CAPSL: variants seen among roughly 807,000 people sequenced by gnomAD.
CAPSL encodes calcyphosine like, also known as calcyphosin-like protein.
A neutral mutation model predicts 21.3 loss-of-function variants in CAPSL; 17 were observed. The ratio of observed to expected loss-of-function variants is 0.80; its 90% CI spans 0.55 to 1.20. The LOEUF (loss-of-function observed/expected upper bound fraction) is 1.20. Among genes scored for constraint, CAPSL ranks in the 50% most tolerant of loss-of-function variants. The pLI, the probability that CAPSL is intolerant of heterozygous loss-of-function variation, is 0.00. For missense variants in CAPSL, 289 were observed against 259.3 expected (o/e 1.11, Z -0.79); for synonymous variants, 102 against 89.3 (o/e 1.14, Z -0.80).
At chr5:35,930,521 C>T (rs903334294) in intron 1 of CAPSL, among the ~76,000 whole-genome samples, 1 of 152,168 alleles carries the variant, frequency 6.6e-6, no homozygotes, top group Non-Finnish European at 1.5e-5. Flanking sequence ...GTCTCAGAAT[C>T]GTGCAAATGT....
At chr5:35,919,361 A>G (rs1738478599) in intron 2 of CAPSL, among the ~76,000 whole-genome samples, 1 of 152,086 alleles carries the variant, frequency 6.6e-6, no homozygotes, top group South Asian at 2.1e-4. Context: ...CTACATTTAC[A>G]AGGCAATTGG....
chr5:35,918,652 G>T (rs1474829885), intron 2 of CAPSL, among the ~76,000 whole-genome samples: 3 of 152,102 alleles, frequency 2.0e-5, no homozygotes, highest in Admixed American at 2.0e-4. Flanking sequence ...AGAATCTAAA[G>T]ACTTTTAAAT....
At chr5:35,925,165 G>T (rs996037497) in intron 1 of CAPSL, among the ~76,000 whole-genome samples, 2 of 152,266 alleles carry the variant, frequency 1.3e-5, no homozygotes, top group Admixed American at 6.5e-5. Flanking sequence ...TCTGCTAAGA[G>T]CTCAGGAAGC....
chr5:35,913,539 T>G lies in CAPSL; in HGVS notation c.138-2996A>C, dbSNP rs6859465. Among the ~76,000 whole-genome samples, 488 of 151,712 alleles carry G rather than the reference T, an allele frequency of 3.2e-3. 3 individuals are homozygous for G. Among genetic ancestry groups the G allele is most frequent in the African/African-American group, 0.011 (469 of 41,344 alleles). On this transcript the variant is annotated intron_variant, in intron 2 of 4. Coordinates refer to ENST00000651391, the MANE Select transcript of CAPSL (RefSeq NM_001042625.2). ...AGAAACTCTACAAGCCAGAAGAGAG[T>G]GGGGGCCAATATTCAACATTCTAAA...
chr5:35,908,586 G>A (rs1401159405), intron 4 of CAPSL, among the ~76,000 whole-genome samples: 2 of 152,150 alleles, frequency 1.3e-5, no homozygotes, highest in Admixed American at 6.5e-5. Flanking sequence ...CAAAGGGGTG[G>A]GCTAATTTGG....
Position 35,904,327 on chromosome 5 carries a change from T to C in CAPSL, c.*218A>G, listed in dbSNP as rs1333253322. 3 of 575,110 alleles carry C rather than the reference T, an allele frequency of 5.2e-6. No homozygotes were observed. In the African/African-American group the frequency reaches 5.7e-5, roughly 11 times the overall value. The allele number at this position is 575,110 out of a possible 1,614,324, so 35.6% of individuals were successfully genotyped here. On this transcript the variant is annotated 3_prime_UTR_variant, in exon 5 of 5. Transcript: ENST00000651391. ...AGCTCATTTTATTTAAGTCCTATTT[T>C]AGAACAAAGGAAACAGTCTTAGGCA...
rs79266501 is a variant in CAPSL, at chr5:35,919,929, A to T, written c.137+1055T>A. ...CTGAGTGAACCAGAGAGTGGAAGAG[A>T]GGATTCCTCAAGGGTTTGCACTAAG... On this transcript the variant is annotated intron_variant, in intron 2 of 4. Transcript: ENST00000651391. 4.6e-3 allele frequency among the ~76,000 whole-genome samples: 701 copies of T among 152,268 alleles called. 5 individuals carry two copies. Among genetic ancestry groups the T allele is most frequent in the African/African-American group, 0.015 (637 of 41,556 alleles).
intron 2 of CAPSL, among the ~76,000 whole-genome samples, chr5:35,910,772 C>T (rs1270128955): frequency 2.0e-5 from 3 of 152,038 alleles, no homozygotes; most frequent in Admixed American, 2.0e-4. Context: ...AAAGACAAAA[C>T]TGTGGAGACA....
intron 4 of CAPSL, among the ~76,000 whole-genome samples, chr5:35,907,376 A>G (rs139103064): frequency 2.6e-5 from 4 of 152,340 alleles, no homozygotes; most frequent in African/African-American, 9.6e-5. Context: ...CTGAAGGTCT[A>G]AAGTCCTAAG....
At chr5:35,933,151 C>T (rs1375621926) in intron 1 of CAPSL, among the ~76,000 whole-genome samples, 1 of 152,098 alleles carries the variant, frequency 6.6e-6, no homozygotes, top group Non-Finnish European at 1.5e-5. Flanking sequence ...TGCTGACCTC[C>T]GGGACTATGC....
At position 35,926,866 on chromosome 5, in the gene CAPSL, T is replaced by C. The variant is rs141998191; in HGVS notation, c.1-5746A>G. ...TCAGGAAACTCTCCCTCCTTTGACT[T>C]CTCTGACCGTACATTCCTGGTTTTC... On this transcript the variant is annotated intron_variant, in intron 1 of 4. Transcript: ENST00000651391. Among the ~76,000 whole-genome samples, 140 of 152,294 alleles carry C rather than the reference T, an allele frequency of 9.2e-4. 1 individual carries two copies. The highest frequency in any genetic ancestry group is 3.4e-3 in the Middle Eastern group (1 of 294).
Position 35,921,066 on chromosome 5 carries a change from G to A in CAPSL, c.55C>T (p.Leu19Phe). 6.2e-7 allele frequency: 1 copy of A among 1,614,086 alleles called. No homozygotes were observed. Among genetic ancestry groups the A allele is most frequent in the Non-Finnish European group, 8.5e-7 (1 of 1,180,026 alleles). The change falls in exon 2 of 5, where the codon CTC becomes TTC. Residue 19 changes from leucine to phenylalanine, a missense_variant. Coordinates refer to ENST00000651391, the MANE Select transcript of CAPSL (RefSeq NM_001042625.2). ...TCAATGGGGTCGGTGGCCGTGGTGA[G>A]CTTTTTCTTGGCCTGGATCGCCATC... ...REMAIQAKKK[L>F]TTATDPIERL...
At chr5:35,909,047 C>A (rs1561435196) in intron 4 of CAPSL, among the ~76,000 whole-genome samples, 1 of 151,434 alleles carries the variant, frequency 6.6e-6, no homozygotes, top group Non-Finnish European at 1.5e-5. Context: ...TCCTTATCAC[C>A]AAAACCCTTA....
chr5:35,913,004 A>G (rs556628323), intron 2 of CAPSL, among the ~76,000 whole-genome samples: 38 of 152,378 alleles, frequency 2.5e-4, no homozygotes, highest in African/African-American at 9.1e-4. Context: ...ACTGCAGAGA[A>G]GTCCTTAAAG....
At chr5:35,928,427 G>A (rs1411736240) in intron 1 of CAPSL, among the ~76,000 whole-genome samples, 1 of 152,134 alleles carries the variant, frequency 6.6e-6, no homozygotes, top group Non-Finnish European at 1.5e-5. Flanking sequence ...TTGAATACGT[G>A]GCTTCTGCAG....
intron 2 of CAPSL, among the ~76,000 whole-genome samples, chr5:35,912,386 A>C (rs946382802): frequency 6.6e-6 from 1 of 152,220 alleles, no homozygotes; most frequent in Non-Finnish European, 1.5e-5. Context: ...ATGCAGCTTG[A>C]GATCTGATAA....
intron 1 of CAPSL, among the ~76,000 whole-genome samples, chr5:35,924,937 T>C (rs967771934): frequency 2.0e-5 from 3 of 152,182 alleles, no homozygotes; most frequent in African/African-American, 7.2e-5. Context: ...TCCCCAAACA[T>C]ATGTCACCGA....
chr5:35,904,847 G>T (rs1050465022), intron 4 of CAPSL: 1 of 400,798 alleles, frequency 2.5e-6, no homozygotes, highest in Non-Finnish European at 3.4e-6. Context: ...GAGAAAGAAA[G>T]TCTTGAAAGT....
rs114443731 is a variant in CAPSL, at chr5:35,935,792, T to G, written c.-1+2749A>C. ...CCTTCTGGATCTACTTCCTTTCTTA[T>G]CCATTTTACACACTCTGCGCATCTT... On this transcript the variant is annotated intron_variant, in intron 1 of 4. Transcript: ENST00000651391. 3.5e-3 allele frequency among the ~76,000 whole-genome samples: 531 copies of G among 152,268 alleles called. 1 individual carries two copies. Among genetic ancestry groups the G allele is most frequent in the African/African-American group, 0.012 (511 of 41,556 alleles).
Sources: gnomAD v4.1 joint callset for allele counts (sites outside exome capture counted in the v4.1 genomes callset) on GRCh38, gnomAD v4.1.1 for gene constraint, MANE v1.5 for transcripts, NCBI Gene and HGNC (gene_info 2026-07-23, HGNC 2026-07-21) for gene names.